Variants in RIMS2 observed in about 807,000 individuals in gnomAD.
The protein encoded by RIMS2 is regulating synaptic membrane exocytosis 2.
In RIMS2, 59 loss-of-function variants were observed where a neutral mutation model predicts 174.4. That is an observed-to-expected ratio of 0.34 (90% CI 0.27 to 0.42). The LOEUF (loss-of-function observed/expected upper bound fraction) is 0.42. RIMS2 is among the 10% of genes least tolerant of loss of function. The pLI, the probability that RIMS2 is intolerant of heterozygous loss-of-function variation, is 1.00. For missense variants in RIMS2, 1,620 were observed against 1,666.3 expected, an observed-to-expected ratio of 0.97 and a Z score of 0.48; for synonymous variants, 606 against 572.5, an observed-to-expected ratio of 1.06 and a Z score of -0.84.
At chr8:103,840,003 G>T (rs1037130015) in intron 3 of RIMS2, among the ~76,000 whole-genome samples, 12 of 152,114 alleles carry the variant, frequency 7.9e-5, no homozygotes, top group African/African-American at 2.7e-4. Flanking sequence ...ACTACAGTTG[G>T]AAGATTGTTT....
intron 2 of RIMS2, among the ~76,000 whole-genome samples, chr8:103,748,390 G>A (rs950829144): frequency 6.6e-6 from 1 of 151,986 alleles, no homozygotes; most frequent in African/African-American, 2.4e-5. Context: ...GGCTGCACGA[G>A]CCGTGATCAA....
At chr8:103,517,367 C>G (rs986553362) in intron 1 of RIMS2, among the ~76,000 whole-genome samples, 4 of 152,024 alleles carry the variant, frequency 2.6e-5, no homozygotes, top group Non-Finnish European at 4.4e-5. Flanking sequence ...GGGGAATAGC[C>G]AGTATTCCTA....
intron 20 of RIMS2, among the ~76,000 whole-genome samples, chr8:104,246,171 T>G (rs1215802127): frequency 6.6e-6 from 1 of 152,150 alleles, no homozygotes; most frequent in Non-Finnish European, 1.5e-5. Context: ...ACCCATAAAT[T>G]CATTCAACAA....
chr8:103,921,027 CAACAACAACAACAACAACAAA>C (rs2077545651), intron 9 of RIMS2: 1 of 230,860 alleles, frequency 4.3e-6, no homozygotes, highest in South Asian at 5.1e-5. Flanking sequence ...ACAACAACAA[CAACAACAACAACAACAACAAA>C]AACAGGTCTT....
chr8:104,235,347 T>A (rs1365419952), intron 19 of RIMS2, among the ~76,000 whole-genome samples: 1 of 152,238 alleles, frequency 6.6e-6, no homozygotes, highest in African/African-American at 2.4e-5. Context: ...CTCATCTATA[T>A]TATTAGTCAA....
chr8:103,698,306 C>T (rs956953426), intron 2 of RIMS2, among the ~76,000 whole-genome samples: 3 of 152,096 alleles, frequency 2.0e-5, no homozygotes, highest in African/African-American at 7.2e-5. Context: ...AGCAGACGTT[C>T]CATTGTATTG....
chr8:104,172,536 G>T (rs7812809), intron 19 of RIMS2, among the ~76,000 whole-genome samples: 5,185 of 152,272 alleles, frequency 0.034, 212 homozygotes, highest in East Asian at 0.15. Context: ...TATATTGTCT[G>T]TGTTTACTTT....
At chr8:103,648,050 C>T (rs2096377267) in intron 1 of RIMS2, among the ~76,000 whole-genome samples, 1 of 151,928 alleles carries the variant, frequency 6.6e-6, no homozygotes, top group Non-Finnish European at 1.5e-5. Context: ...TTGATGTGGG[C>T]ATTTAATGCT....
chr8:103,747,243 T>G, intron 2 of RIMS2, among the ~76,000 whole-genome samples: 1 of 44,592 alleles, frequency 2.2e-5, no homozygotes, highest in East Asian at 6.8e-4. Context: ...CCCTCCCCCC[T>G]CCCCCCACCC....
chr8:103,772,973 A>G (rs1185568228), intron 3 of RIMS2, among the ~76,000 whole-genome samples: 1 of 152,208 alleles, frequency 6.6e-6, no homozygotes, highest in African/African-American at 2.4e-5. Flanking sequence ...TAAATGTAAA[A>G]GCTAAAATTA....
At chr8:103,792,637 G>GTT (rs57893772) in intron 3 of RIMS2, among the ~76,000 whole-genome samples, 5,684 of 137,510 alleles carry the variant, frequency 0.041, 146 homozygotes, top group Non-Finnish European at 0.056. Context: ...CCAGGAGCTG[G>GTT]TTTTTTTTTT....
At chr8:103,756,737 T>G (rs140686265) in intron 2 of RIMS2, among the ~76,000 whole-genome samples, 2 of 152,162 alleles carry the variant, frequency 1.3e-5, no homozygotes, top group Non-Finnish European at 2.9e-5. Flanking sequence ...TATTTTTCTT[T>G]ATGACAGACA....
chr8:103,575,684 A>ATATG (rs2093173073), intron 1 of RIMS2, among the ~76,000 whole-genome samples: 2 of 114,722 alleles, frequency 1.7e-5, no homozygotes, highest in African/African-American at 5.5e-5. Context: ...ACACACACAC[A>ATATG]CATATATATA....
At chr8:103,830,517 C>T (rs572903084) in intron 3 of RIMS2, among the ~76,000 whole-genome samples, 16 of 152,196 alleles carry the variant, frequency 1.1e-4, no homozygotes, top group Non-Finnish European at 1.0e-4. Flanking sequence ...AGGATTTGTT[C>T]TACTGCCCAC....
At chr8:103,864,159 T>C (rs1019842501) in intron 3 of RIMS2, among the ~76,000 whole-genome samples, 1 of 152,134 alleles carries the variant, frequency 6.6e-6, no homozygotes, top group Non-Finnish European at 1.5e-5. Context: ...CCTTGTATGA[T>C]GTGTTTTTTG....
chr8:104,089,772 ACCTTCTGC>A (rs924804777), intron 19 of RIMS2, among the ~76,000 whole-genome samples: 4 of 151,728 alleles, frequency 2.6e-5, no homozygotes, highest in Non-Finnish European at 5.9e-5. Context: ...CTATTTAATG[ACCTTCTGC>A]TTTAGGCATT....
chr8:104,068,923 C>G (rs373502395), intron 19 of RIMS2, among the ~76,000 whole-genome samples: 13 of 152,058 alleles, frequency 8.5e-5, no homozygotes, highest in Non-Finnish European at 1.9e-4. Context: ...GGTTTTCTTT[C>G]ATATAGATTT....
chr8:104,186,712 C>G (rs2098969814), intron 19 of RIMS2, among the ~76,000 whole-genome samples: 1 of 151,784 alleles, frequency 6.6e-6, no homozygotes, highest in Non-Finnish European at 1.5e-5. Flanking sequence ...GCCTCACCTA[C>G]TCATAGATTG....
At chr8:104,150,980 C>A (rs1480383456) in intron 19 of RIMS2, among the ~76,000 whole-genome samples, 1 of 151,716 alleles carries the variant, frequency 6.6e-6, no homozygotes, top group African/African-American at 2.4e-5. Context: ...AGTGGGGCTA[C>A]AATAAAGAGG....
Sources: allele counts gnomAD v4.1 joint callset (sites outside exome capture counted in the v4.1 genomes callset), GRCh38; gene constraint gnomAD v4.1.1; transcripts MANE v1.5; gene names NCBI Gene and HGNC (gene_info 2026-07-23, HGNC 2026-07-21).